Variants in PRICKLE2 observed in about 807,000 individuals in gnomAD.
PRICKLE2 encodes prickle-like protein 2.
In PRICKLE2, 21 loss-of-function variants were observed where a neutral mutation model predicts 81.4. That is an observed-to-expected ratio of 0.26 (90% CI 0.18 to 0.37). The LOEUF (loss-of-function observed/expected upper bound fraction) is 0.37, where lower values mean the gene tolerates loss of function less well. PRICKLE2 is among the 10% of genes least tolerant of loss of function. The pLI, the probability that PRICKLE2 is intolerant of heterozygous loss-of-function variation, is 1.00. For synonymous variants in PRICKLE2, 456 were observed against 421.5 expected, an observed-to-expected ratio of 1.08 and a Z score of -1.00; for missense variants, 940 against 1,109.0, an observed-to-expected ratio of 0.85 and a Z score of 2.16.
At chr3:64,182,697 A>G (rs1239016838) in intron 2 of PRICKLE2, 1 of 152,140 alleles carries the variant, frequency 6.6e-6, no homozygotes, top group African/African-American at 2.4e-5. Context: ...TGGTCTTTAT[A>G]AATTACACTG....
In PRICKLE2 at chr3:64,198,848, T is replaced by C; in HGVS notation, c.80A>G (p.Asp27Gly). Reference sequence around the variant, plus strand: ...TTCCAAAGCACAGCCTGAGTCATCATCTGAGGTCGAGTTCCTCTGAAAGTC... The same window carrying C: ...TTCCAAAGCACAGCCTGAGTCATCACCTGAGGTCGAGTTCCTCTGAAAGTC... ...MFDFQRNSTS[D>G]DDSGCALEEY... Residue 27 changes from aspartate to glycine, a missense_variant, in exon 2 of 8, where the codon GAT becomes GGT. Physicochemically the swap from Asp to Gly is moderately conservative, Grantham distance 94 (BLOSUM62 -1). Around this residue, in one of 2 missense-constraint regions of PRICKLE2, gnomAD observed 270 missense variants for 391.8 expected, o/e 0.69. Transcript: ENST00000638394. 6.2e-7 allele frequency: 1 copy of C among 1,614,200 alleles called. No homozygotes were observed. The highest frequency in any genetic ancestry group is 8.5e-7 in the Non-Finnish European group (1 of 1,180,022).
At chr3:64,110,307 C>G (rs2076822795) in intron 7 of PRICKLE2, among the ~76,000 whole-genome samples, 1 of 152,156 alleles carries the variant, frequency 6.6e-6, no homozygotes, top group South Asian at 2.1e-4. Flanking sequence ...AGGACAAAAG[C>G]TAAATGGCTC....
chr3:64,221,925 C>T (rs1420143525), intron 1 of PRICKLE2, among the ~76,000 whole-genome samples: 1 of 152,310 alleles, frequency 6.6e-6, no homozygotes, highest in East Asian at 1.9e-4. Context: ...ACGGGTACCA[C>T]GGTTTGTCAT....
At chr3:64,141,068 T>A (rs1312536049) in intron 7 of PRICKLE2, among the ~76,000 whole-genome samples, 12 of 152,220 alleles carry the variant, frequency 7.9e-5, no homozygotes, top group Admixed American at 7.9e-4. Flanking sequence ...AAAATGGGTA[T>A]AATGATCAGA....
At chr3:64,102,721 T>C (rs1287854819) in intron 7 of PRICKLE2, 1 of 151,968 alleles carries the variant, frequency 6.6e-6, no homozygotes, top group Non-Finnish European at 1.5e-5. Flanking sequence ...ATAAAACCGG[T>C]CCCTGGTGCC....
intron 3 of PRICKLE2, among the ~76,000 whole-genome samples, chr3:64,160,755 GA>G (rs1197630299): frequency 6.6e-6 from 1 of 152,152 alleles, no homozygotes; most frequent in African/African-American, 2.4e-5. Flanking sequence ...AGAATTAAAG[GA>G]GGAACATTAA....
intron 7 of PRICKLE2, among the ~76,000 whole-genome samples, chr3:64,127,385 A>C (rs969126748): frequency 2.6e-5 from 4 of 152,068 alleles, no homozygotes; most frequent in African/African-American, 9.7e-5. Context: ...GTCCTCTGTA[A>C]GTTTTCCTCT....
chr3:64,264,494 A>G (rs2079667774), intron 2 of PRICKLE2, among the ~76,000 whole-genome samples: 1 of 152,206 alleles, frequency 6.6e-6, no homozygotes, highest in African/African-American at 2.4e-5. Context: ...AAGCTCAGTA[A>G]GTTAACAGGC....
At chr3:64,198,211 AAAATAAATAAATAAATAAATAAATAAAT>A (rs71099792) in intron 2 of PRICKLE2, among the ~76,000 whole-genome samples, 1 of 145,088 alleles carries the variant, frequency 6.9e-6, no homozygotes, top group Non-Finnish European at 1.5e-5. Context: ...GACTCTATCT[AAAATAAATAAATAAATAAATAAATAAAT>A]AAATAAATAA....
At chr3:64,108,570 C>T (rs908746813) in intron 7 of PRICKLE2, among the ~76,000 whole-genome samples, 2 of 152,040 alleles carry the variant, frequency 1.3e-5, no homozygotes, top group Non-Finnish European at 2.9e-5. Context: ...TGAATGCACT[C>T]GAAAGTGTGA....
chr3:64,202,395 C>T (rs1575661106), intron 1 of PRICKLE2, among the ~76,000 whole-genome samples: 1 of 152,116 alleles, frequency 6.6e-6, no homozygotes, highest in South Asian at 2.1e-4. Context: ...TGAACACAGG[C>T]TACCTTTCCA....
intron 2 of PRICKLE2, among the ~76,000 whole-genome samples, chr3:64,251,411 G>T (rs1429870072): frequency 6.6e-6 from 1 of 152,150 alleles, no homozygotes; most frequent in Non-Finnish European, 1.5e-5. Flanking sequence ...ACCACAGTAG[G>T]CTCCTTACTG....
In PRICKLE2 at chr3:64,225,155, C is replaced by T. The variant is rs1298522054; in HGVS notation, c.-286G>A. ...AAAACAGCACTGCTGGATCCAGACT[C>T]TGCTGGGGAATTCACCAAGCAAGAG... is the stretch of plus-strand genomic sequence containing the variant. On this transcript the variant is annotated 5_prime_UTR_variant, in exon 1 of 8. Coordinates refer to ENST00000638394, the MANE Select transcript of PRICKLE2 (RefSeq NM_198859.4). 3.0e-6 allele frequency: 3 copies of T among 985,362 alleles called. No homozygotes were observed. The highest frequency in any genetic ancestry group is 2.4e-6 in the Non-Finnish European group (2 of 829,994). 61.0% of individuals were successfully genotyped at this position (985,362 alleles called of 1,614,324 possible).
chr3:64,229,356 G>A (rs1357829739), upstream of PRICKLE2, among the ~76,000 whole-genome samples: 4 of 152,158 alleles, frequency 2.6e-5, no homozygotes, highest in Non-Finnish European at 5.9e-5. Flanking sequence ...AAGGGTAAGT[G>A]ACAGGAAGGG....
At chr3:64,219,860 C>T (rs1029328178) in intron 1 of PRICKLE2, among the ~76,000 whole-genome samples, 3 of 152,162 alleles carry the variant, frequency 2.0e-5, no homozygotes, top group African/African-American at 4.8e-5. Context: ...TAAGCTTGAA[C>T]GAGTTACTTA....
At chr3:64,203,318 C>T (rs1290583251) in intron 1 of PRICKLE2, among the ~76,000 whole-genome samples, 1 of 152,156 alleles carries the variant, frequency 6.6e-6, no homozygotes, top group East Asian at 1.9e-4. Flanking sequence ...ATGGTCAGGT[C>T]TGTTGGGAAG....
chr3:64,153,140 G>C, intron 6 of PRICKLE2, 42 bp downstream of exon 6: 2 of 1,563,800 alleles, frequency 1.3e-6, no homozygotes, highest in Non-Finnish European at 1.8e-6. Flanking sequence ...AAAGGTGACC[G>C]CATCACAGAA....
chr3:64,253,378 A>G (rs2107182246), intron 2 of PRICKLE2, among the ~76,000 whole-genome samples: 1 of 152,236 alleles, frequency 6.6e-6, no homozygotes, highest in Non-Finnish European at 1.5e-5. Context: ...AAATTATGGG[A>G]CCATCACACA....
At chr3:64,143,343 T>G (rs2077393325) in intron 7 of PRICKLE2, among the ~76,000 whole-genome samples, 2 of 152,138 alleles carry the variant, frequency 1.3e-5, no homozygotes, top group Non-Finnish European at 2.9e-5. Context: ...CTCAGTTTTA[T>G]CAGGCATGGC....
Sources: allele counts gnomAD v4.1 joint callset (sites outside exome capture counted in the v4.1 genomes callset), GRCh38; gene constraint gnomAD v4.1.1; regional missense constraint gnomAD v4.1.1; transcripts MANE v1.5; gene names NCBI Gene and HGNC (gene_info 2026-07-23, HGNC 2026-07-21).